The following KCNU1 variants were observed in gnomAD, a reference collection of about 807,000 sequenced individuals.
KCNU1 encodes the protein potassium channel subfamily U member 1.
KCNU1 carries 93 observed loss-of-function variants against 126.8 expected under a neutral mutation model. The ratio of observed to expected loss-of-function variants is 0.73; its 90% confidence interval spans 0.62 to 0.87. The LOEUF (loss-of-function observed/expected upper bound fraction) is 0.87. KCNU1 is among the 40% of genes least tolerant of loss of function. The pLI is 0.00. For missense variants in KCNU1, 1,330 were observed against 1,367.1 expected, an observed-to-expected ratio of 0.97 and a Z score of 0.43; for synonymous variants, 523 against 494.2, an observed-to-expected ratio of 1.06 and a Z score of -0.77.
At chr8:36,837,399 A>G (rs1804791066) in intron 14 of KCNU1, among the ~76,000 whole-genome samples, 1 of 152,208 alleles carries the variant, frequency 6.6e-6, no homozygotes, top group Non-Finnish European at 1.5e-5. Flanking sequence ...ATTAAAATCT[A>G]ATTTTTCCAG....
chr8:36,935,409 G>A (rs996328148), intron 26 of KCNU1, 106 bp from the exon 27 acceptor site: 57 of 834,350 alleles, frequency 6.8e-5, no homozygotes, highest in Non-Finnish European at 7.5e-5. Context: ...AAACAAAAAC[G>A]TTTCCTCTTT....
Position 36,935,779 on chromosome 8 carries a change from G to A in KCNU1, c.3309G>A (p.Lys1103=), listed in dbSNP as rs776352982. The A allele has an allele frequency of 2.2e-5, 35 of 1,613,168 alleles. 1 individual carries two copies. In the African/African-American group the frequency reaches 4.5e-4, roughly 21 times the overall value. The change falls in exon 27 of 27, where the codon AAG becomes AAA. Residue 1103 remains lysine, a synonymous_variant. Coordinates refer to ENST00000399881, the MANE Select transcript of KCNU1 (RefSeq NM_001031836.3). ...GAACTAACTCCCTCTCTTTTCCTAAGCAAATAGCATGGAATCAGAGTAGAA... is the reference window on the plus strand; with the variant it reads ...GAACTAACTCCCTCTCTTTTCCTAAACAAATAGCATGGAATCAGAGTAGAA... ...QPRTNSLSFP[K]QIAWNQSRTN... is the part of the protein sequence containing the mutation.
intron 2 of KCNU1, among the ~76,000 whole-genome samples, chr8:36,793,364 A>C (rs2130351376): frequency 6.6e-6 from 1 of 151,850 alleles, no homozygotes; most frequent in East Asian, 1.9e-4. Flanking sequence ...AATAAAAAAT[A>C]AAATAAAATA....
intron 22 of KCNU1, among the ~76,000 whole-genome samples, chr8:36,916,112 A>C (rs1038979498): frequency 6.7e-6 from 1 of 148,472 alleles, no homozygotes; most frequent in Non-Finnish European, 1.5e-5. Context: ...GAAGGAAGGA[A>C]GGAAGGAAAG....
intron 6 of KCNU1, among the ~76,000 whole-genome samples, chr8:36,807,742 A>G (rs1013387827): frequency 3.9e-5 from 6 of 152,236 alleles, no homozygotes; most frequent in African/African-American, 1.4e-4. Context: ...AAAAAAAAAA[A>G]AAAGTCAAAG....
chr8:36,804,897 T>C (rs28673810), intron 3 of KCNU1, among the ~76,000 whole-genome samples: 40,684 of 152,020 alleles, frequency 0.27, 6,699 homozygotes, highest in African/African-American at 0.44. Context: ...AAGAAGAGCC[T>C]CATCATCTCT....
At chr8:36,883,321 CAT>C (rs1174594737) in intron 19 of KCNU1, among the ~76,000 whole-genome samples, 1 of 152,164 alleles carries the variant, frequency 6.6e-6, no homozygotes, top group African/African-American at 2.4e-5. Flanking sequence ...AACTGGCAGT[CAT>C]ATATTCTTTC....
At chr8:36,880,633 A>G (rs954953384) in intron 19 of KCNU1, among the ~76,000 whole-genome samples, 3 of 152,034 alleles carry the variant, frequency 2.0e-5, no homozygotes, top group Non-Finnish European at 2.9e-5. Flanking sequence ...CTTTAGGCCA[A>G]TCCCACCAGC....
intron 16 of KCNU1, among the ~76,000 whole-genome samples, chr8:36,844,018 A>C (rs1402433100): frequency 6.6e-6 from 1 of 152,186 alleles, no homozygotes; most frequent in African/African-American, 2.4e-5. Context: ...TATATGTTTT[A>C]TTGTGACAGT....
intron 18 of KCNU1, among the ~76,000 whole-genome samples, chr8:36,859,587 T>G (rs1285422337): frequency 6.6e-6 from 1 of 152,210 alleles, no homozygotes; most frequent in Non-Finnish European, 1.5e-5. Context: ...TCTATGGCCC[T>G]TTTCAACTCT....
At chr8:36,910,581 T>C (rs1013885843) in intron 21 of KCNU1, among the ~76,000 whole-genome samples, 2 of 152,180 alleles carry the variant, frequency 1.3e-5, no homozygotes, top group African/African-American at 4.8e-5. Flanking sequence ...TCTAGATCCA[T>C]AACCTCTCTT....
intron 19 of KCNU1, among the ~76,000 whole-genome samples, chr8:36,895,304 C>A (rs1807144255): frequency 6.6e-6 from 1 of 152,028 alleles, no homozygotes; most frequent in Non-Finnish European, 1.5e-5. Flanking sequence ...GTCTCAAACA[C>A]CTGGCCTTAA....
chr8:36,922,793 A>T (rs1215134113), intron 24 of KCNU1, among the ~76,000 whole-genome samples, 164 bp downstream of exon 24: 1 of 152,214 alleles, frequency 6.6e-6, no homozygotes, highest in South Asian at 2.1e-4. Context: ...TCTCATAACT[A>T]CTTGGTGTGG....
In KCNU1 at chr8:36,909,423, C is replaced by A; in HGVS notation, c.2219C>A (p.Ala740Asp). 1 of 1,612,346 alleles carries A rather than the reference C, an allele frequency of 6.2e-7. No individual in the cohort carries two copies. Among genetic ancestry groups the A allele is most frequent in the Non-Finnish European group, 8.5e-7 (1 of 1,178,418 alleles). Reference protein sequence around the residue: ...GLRNFVMPLRASNYTRKELKD... With the variant: ...GLRNFVMPLRDSNYTRKELKD... ...CGGAACTTTGTAATGCCCTTGAGAG[C>A]CAGCAACTATACCAGGAAGGAGCTG... The change falls in exon 21 of 27, where the codon GCC becomes GAC. Residue 740 changes from alanine (A) to aspartate (D), a missense_variant. Ala to Asp is a moderately radical substitution (Grantham distance 126). This residue lies in a region of KCNU1 where 1,054 missense variants were observed against 1,053.9 expected (regional missense o/e 1.00). Transcript: ENST00000399881.
chr8:36,855,340 A>G (rs892814231), intron 18 of KCNU1, among the ~76,000 whole-genome samples: 24 of 152,040 alleles, frequency 1.6e-4, no homozygotes, highest in Admixed American at 7.2e-4. Context: ...ATTTGATAAC[A>G]CTCCCTGGGG....
At chr8:36,836,412 A>C (rs777350385) in intron 13 of KCNU1, 47 bp downstream of exon 13, 4 of 1,284,572 alleles carry the variant, frequency 3.1e-6, no homozygotes, top group Non-Finnish European at 4.4e-6. Flanking sequence ...TTATCTATAT[A>C]GCTAGACGAA....
chr8:36,799,220 C>A (rs1803213263), intron 2 of KCNU1, among the ~76,000 whole-genome samples: 1 of 152,158 alleles, frequency 6.6e-6, no homozygotes, highest in Non-Finnish European at 1.5e-5. Flanking sequence ...AGGAGAATTA[C>A]AAAGTCAGTC....
intron 24 of KCNU1, among the ~76,000 whole-genome samples, chr8:36,926,216 A>G (rs955331337): frequency 6.6e-6 from 1 of 152,166 alleles, no homozygotes; most frequent in African/African-American, 2.4e-5. Flanking sequence ...TGCATCATTT[A>G]CCAGTAACAA....
chr8:36,834,929 G>A, intron 12 of KCNU1, 61 bp downstream of exon 12: 2 of 1,044,138 alleles, frequency 1.9e-6, no homozygotes, highest in Non-Finnish European at 2.9e-6. Context: ...TTAAAGTAAT[G>A]CCCGGTACAT....
Sources: allele counts gnomAD v4.1 joint callset (sites outside exome capture counted in the v4.1 genomes callset), GRCh38; gene constraint gnomAD v4.1.1; regional missense constraint gnomAD v4.1.1; transcripts MANE v1.5; gene names NCBI Gene and HGNC (gene_info 2026-07-23, HGNC 2026-07-21).